Variants in HEMK2 observed in about 807,000 individuals in gnomAD.
HEMK2 encodes the protein HemK methyltransferase 2, ETF1 glutamine and histone H4 lysine, also known as methyltransferase HEMK2.
chr21:28,765,661 A>T, the HEMK2 span, among the ~76,000 whole-genome samples: 1 of 152,044 alleles, frequency 6.6e-6, no homozygotes, highest in Non-Finnish European at 1.5e-5. Flanking sequence ...TGGGTGAGTG[A>T]TAAGAGAGAC....
the HEMK2 span, among the ~76,000 whole-genome samples, chr21:28,831,472 AAAGAAAGAAAGAAAG>A: frequency 0.012 from 469 of 37,696 alleles, 49 homozygotes; most frequent in African/African-American, 0.051. Context: ...CGAAAGAAAG[AAAGAAAGAAAGAAAG>A]AAAGAAAGAA....
chr21:28,705,105 C>T, the HEMK2 span, among the ~76,000 whole-genome samples: 2 of 152,098 alleles, frequency 1.3e-5, no homozygotes. Context: ...TCTCTCCAAG[C>T]AGCTTGGTAA....
chr21:28,768,016 T>C, the HEMK2 span, among the ~76,000 whole-genome samples: 3 of 152,116 alleles, frequency 2.0e-5, no homozygotes, highest in South Asian at 4.2e-4. Context: ...GCGTCCTCTA[T>C]GGATGAGGAG....
the HEMK2 span, among the ~76,000 whole-genome samples, chr21:28,841,312 TATA>T: frequency 8.6e-5 from 1 of 11,624 alleles, no homozygotes; most frequent in Non-Finnish European, 1.1e-4. Flanking sequence ...ATATATAATA[TATA>T]ATATATATTA....
At chr21:28,651,325 TAAG>T in the HEMK2 span, among the ~76,000 whole-genome samples, 49 of 152,220 alleles carry the variant, frequency 3.2e-4, no homozygotes, top group Non-Finnish European at 4.3e-4. Context: ...AACTTAGCCA[TAAG>T]AAGAAACTAC....
the HEMK2 span, among the ~76,000 whole-genome samples, chr21:28,682,552 G>A: frequency 6.6e-6 from 1 of 152,126 alleles, no homozygotes; most frequent in Middle Eastern, 3.4e-3. Context: ...CCATTACTGG[G>A]TATATACCCA....
chr21:28,587,378 T>C, the HEMK2 span, among the ~76,000 whole-genome samples: 3 of 152,198 alleles, frequency 2.0e-5, no homozygotes, highest in Admixed American at 1.3e-4. Flanking sequence ...TGGTAAATTA[T>C]AAATATAATA....
chr21:28,639,368 A>G, the HEMK2 span, among the ~76,000 whole-genome samples: 25 of 152,344 alleles, frequency 1.6e-4, no homozygotes, highest in Non-Finnish European at 3.1e-4. Context: ...ATGTGGATCA[A>G]TTTTATTTAG....
chr21:28,675,855 T>C, the HEMK2 span, among the ~76,000 whole-genome samples: 1 of 152,220 alleles, frequency 6.6e-6, no homozygotes, highest in Non-Finnish European at 1.5e-5. Context: ...GAATGTTGCA[T>C]CTGTGTTAGC....
chr21:28,857,683 T>C, the HEMK2 span, among the ~76,000 whole-genome samples: 2 of 152,198 alleles, frequency 1.3e-5, 1 homozygote, highest in South Asian at 4.1e-4. Flanking sequence ...GTTATTAATA[T>C]TGCCATTTGT....
At chr21:28,693,184 A>G in the HEMK2 span, among the ~76,000 whole-genome samples, 3 of 152,216 alleles carry the variant, frequency 2.0e-5, no homozygotes, top group African/African-American at 7.2e-5. Context: ...CTTTTAAAAT[A>G]TATGTATAAT....
At chr21:28,883,095 T>C in the HEMK2 span, 2 of 1,495,616 alleles carry the variant, frequency 1.3e-6, 1 homozygote, top group Non-Finnish European at 1.8e-6. Context: ...AAATAAATAT[T>C]AGTATAGTAG....
the HEMK2 span, among the ~76,000 whole-genome samples, chr21:28,692,853 T>A: frequency 2.0e-5 from 3 of 152,158 alleles, no homozygotes; most frequent in East Asian, 1.9e-4. Flanking sequence ...TACAACATGA[T>A]GAACTTTGAA....
the HEMK2 span, among the ~76,000 whole-genome samples, chr21:28,625,515 T>C: frequency 6.6e-6 from 1 of 151,910 alleles, no homozygotes; most frequent in South Asian, 2.1e-4. Context: ...ACATCAGGAG[T>C]TCGAGACCAG....
the HEMK2 span, among the ~76,000 whole-genome samples, chr21:28,613,253 G>A: frequency 2.0e-5 from 3 of 151,914 alleles, no homozygotes; most frequent in Middle Eastern, 0.01. Flanking sequence ...CTTGTATACT[G>A]GTGGACCTGA....
At chr21:28,663,823 T>C in the HEMK2 span, among the ~76,000 whole-genome samples, 1 of 152,202 alleles carries the variant, frequency 6.6e-6, no homozygotes, top group Non-Finnish European at 1.5e-5. Flanking sequence ...AAATGAAACA[T>C]ATAATCATTA....
chr21:28,609,887 C>A, the HEMK2 span, among the ~76,000 whole-genome samples: 47 of 152,122 alleles, frequency 3.1e-4, no homozygotes, highest in East Asian at 7.7e-4. Context: ...AAGAACAAAG[C>A]CTCCAAGAAG....
the HEMK2 span, among the ~76,000 whole-genome samples, chr21:28,775,907 G>A: frequency 1.5e-4 from 23 of 151,796 alleles, no homozygotes; most frequent in African/African-American, 3.9e-4. Context: ...ATTAAGATGG[G>A]CGTGACTGTT....
the HEMK2 span, among the ~76,000 whole-genome samples, chr21:28,704,139 G>GC: frequency 6.6e-6 from 1 of 152,158 alleles, no homozygotes; most frequent in South Asian, 2.1e-4. Context: ...ACCTTCTCGT[G>GC]CCTTGAAAAT....
Sources: gnomAD v4.1 joint callset for allele counts (sites outside exome capture counted in the v4.1 genomes callset) on GRCh38, gnomAD v4.1.1 for gene constraint, MANE v1.5 for transcripts, NCBI Gene and HGNC (gene_info 2026-07-23, HGNC 2026-07-21) for gene names.